KCNH7: variants seen among roughly 807,000 people sequenced by gnomAD.
KCNH7 encodes the protein potassium voltage-gated channel subfamily H member 7.
Under a neutral mutation model 120.8 loss-of-function variants are expected in KCNH7, and 49 were observed. That is an observed-to-expected ratio of 0.41 (90% confidence interval 0.32 to 0.51). The LOEUF (loss-of-function observed/expected upper bound fraction) is 0.51, where lower values mean the gene tolerates loss of function less well. KCNH7 is among the 20% of genes least tolerant of loss of function. The probability of loss-of-function intolerance (pLI) is 0.38; values close to 1 mark genes in which losing one functional copy is unlikely to be tolerated. For synonymous variants in KCNH7, 547 were observed against 516.1 expected, an observed-to-expected ratio of 1.06 and a Z score of -0.81; for missense variants, 1,097 against 1,446.6, an observed-to-expected ratio of 0.76 and a Z score of 3.92.
At position 162,517,993 on chromosome 2, in the gene KCNH7, G is replaced by C. The variant is rs530966196; in HGVS notation, c.629C>G (p.Pro210Arg). The change falls in exon 4 of 16, where the codon CCC (proline) becomes CGC (arginine). Residue 210 changes from proline (P) to arginine (R), a missense_variant. Physicochemically the swap from Pro to Arg is moderately radical, Grantham distance 103 (BLOSUM62 -2). This residue lies in a region of KCNH7 where 362 missense variants were observed against 372.2 expected (regional missense o/e 0.97). Transcript: ENST00000332142. ...FKSPTKESCSPSEADDTKALI... is the reference protein window; with the variant it reads ...FKSPTKESCSRSEADDTKALI... ...AGCTTTTGTGTCATCTGCTTCAGAG[G>C]GGCTGCAGCTTTCTTTTGTAGGAGA... 53 of 1,612,418 alleles carry C rather than the reference G, an allele frequency of 3.3e-5. 1 individual carries two copies. In the South Asian group the frequency reaches 5.6e-4, roughly 17 times the overall value.
intron 7 of KCNH7, 117 bp downstream of exon 7, chr2:162,445,901 G>A: frequency 1.3e-6 from 1 of 785,974 alleles, no homozygotes; most frequent in East Asian, 2.7e-5. Context: ...AATTGAAAAT[G>A]AATTTTATCA....
chr2:162,799,443 T>C (rs1206725711), intron 2 of KCNH7, among the ~76,000 whole-genome samples: 1 of 152,006 alleles, frequency 6.6e-6, no homozygotes, highest in East Asian at 1.9e-4. Context: ...AATCAAGCAA[T>C]ATTTTTTAAA....
intron 2 of KCNH7, among the ~76,000 whole-genome samples, chr2:162,630,911 C>T (rs1053418100): frequency 2.0e-5 from 3 of 152,112 alleles, no homozygotes; most frequent in East Asian, 1.9e-4. Context: ...CTAATCTCCC[C>T]GATCAGGTTC....
intron 2 of KCNH7, among the ~76,000 whole-genome samples, chr2:162,560,170 T>A (rs757845475): frequency 3.3e-5 from 5 of 152,214 alleles, no homozygotes; most frequent in Non-Finnish European, 7.3e-5. Context: ...GAAGTAAATG[T>A]CAAATTGCAT....
At chr2:162,727,180 T>G (rs1482142767) in intron 2 of KCNH7, among the ~76,000 whole-genome samples, 1 of 152,218 alleles carries the variant, frequency 6.6e-6, no homozygotes, top group Non-Finnish European at 1.5e-5. Flanking sequence ...GCTTAATAGC[T>G]TTTATGCTCT....
chr2:162,445,408 A>C (rs896363744), intron 7 of KCNH7, among the ~76,000 whole-genome samples: 1 of 152,128 alleles, frequency 6.6e-6, no homozygotes, highest in African/African-American at 2.4e-5. Context: ...CTGTAGGAAA[A>C]CTTAACTTCT....
intron 2 of KCNH7, among the ~76,000 whole-genome samples, chr2:162,698,704 G>A (rs1040263241): frequency 2.0e-5 from 3 of 151,962 alleles, no homozygotes; most frequent in African/African-American, 4.8e-5. Flanking sequence ...TCTCCTCAAT[G>A]AGCCTCAATT....
chr2:162,513,462 C>T (rs1385197680), intron 4 of KCNH7, among the ~76,000 whole-genome samples: 9 of 63,572 alleles, frequency 1.4e-4, no homozygotes, highest in South Asian at 8.1e-4. Context: ...TCTCTCCTTC[C>T]CTCCCTCCTT....
At chr2:162,569,324 T>C (rs1693378796) in intron 2 of KCNH7, among the ~76,000 whole-genome samples, 1 of 151,874 alleles carries the variant, frequency 6.6e-6, no homozygotes, top group Non-Finnish European at 1.5e-5. Context: ...CATAGAGGTG[T>C]TTGTAGTATT....
intron 9 of KCNH7, among the ~76,000 whole-genome samples, chr2:162,422,593 T>G (rs1329621656): frequency 6.6e-6 from 1 of 152,132 alleles, no homozygotes; most frequent in Non-Finnish European, 1.5e-5. Context: ...ATGTGGGCAA[T>G]TCTCCTAATA....
intron 8 of KCNH7, among the ~76,000 whole-genome samples, chr2:162,429,659 T>G (rs772072444): frequency 1.3e-4 from 20 of 151,816 alleles, no homozygotes; most frequent in Non-Finnish European, 2.5e-4. Context: ...TAATAAGAAA[T>G]CTATCAACAT....
chr2:162,453,033 C>T (rs944979225), intron 6 of KCNH7, among the ~76,000 whole-genome samples: 2 of 151,892 alleles, frequency 1.3e-5, no homozygotes, highest in Admixed American at 6.6e-5. Context: ...TGGTGGTTTG[C>T]TGCACCTATC....
intron 5 of KCNH7, among the ~76,000 whole-genome samples, chr2:162,506,685 C>T (rs556630708): frequency 6.6e-6 from 1 of 151,812 alleles, no homozygotes; most frequent in East Asian, 2.0e-4. Context: ...TAAAATTTGG[C>T]TAAATTCACG....
chr2:162,440,163 T>C (rs748785898), intron 7 of KCNH7, among the ~76,000 whole-genome samples: 3 of 151,822 alleles, frequency 2.0e-5, no homozygotes, highest in Non-Finnish European at 2.9e-5. Flanking sequence ...TTAAGAATCT[T>C]ATATTTAAAA....
chr2:162,543,093 C>T (rs1376238781), intron 2 of KCNH7, among the ~76,000 whole-genome samples: 2 of 151,890 alleles, frequency 1.3e-5, no homozygotes, highest in East Asian at 3.9e-4. Context: ...TCTCATTTTA[C>T]CAGTCACATG....
chr2:162,612,396 A>G (rs12692652), intron 2 of KCNH7, among the ~76,000 whole-genome samples: 96,902 of 151,970 alleles, frequency 0.64, 32,478 homozygotes, highest in African/African-American at 0.84. Context: ...AGCTTGAGTC[A>G]GAGAAAACAT....
intron 2 of KCNH7, among the ~76,000 whole-genome samples, chr2:162,609,492 TGAAGTCACA>T (rs1461726284): frequency 2.6e-5 from 4 of 152,148 alleles, no homozygotes; most frequent in African/African-American, 7.2e-5. Flanking sequence ...TGTCCTTATA[TGAAGTCACA>T]GAACTCATGT....
chr2:162,591,487 G>A (rs1694215440), intron 2 of KCNH7, among the ~76,000 whole-genome samples: 1 of 151,966 alleles, frequency 6.6e-6, no homozygotes, highest in East Asian at 1.9e-4. Context: ...TTTTGTGGAG[G>A]ACACAAACAC....
Position 162,445,818 on chromosome 2 carries a change from C to A in KCNH7, c.1554+200G>T, listed in dbSNP as rs529856730. On this transcript the variant is annotated intron_variant, in intron 7 of 15. Transcript: ENST00000332142. Reference sequence around the variant, plus strand: ...TGGGTAAAGAATGGAGAATCTTTTGCATCTCTTAGCAAAAAGAGAAAGAAT... The same window carrying A: ...TGGGTAAAGAATGGAGAATCTTTTGAATCTCTTAGCAAAAAGAGAAAGAAT... Among the ~76,000 whole-genome samples, 296 of 152,216 alleles carry A rather than the reference C, an allele frequency of 1.9e-3. 1 individual carries two copies. Among genetic ancestry groups the A allele is most frequent in the African/African-American group, 6.6e-3 (276 of 41,550 alleles).
Sources: allele counts gnomAD v4.1 joint callset (sites outside exome capture counted in the v4.1 genomes callset), GRCh38; gene constraint gnomAD v4.1.1; regional missense constraint gnomAD v4.1.1; transcripts MANE v1.5; gene names NCBI Gene and HGNC (gene_info 2026-07-23, HGNC 2026-07-21).